The following RBFOX1 variants were observed in gnomAD, a reference collection of about 807,000 sequenced individuals.
RBFOX1 encodes RNA binding fox-1 homolog 1, also known as RNA binding protein fox-1 homolog 1.
Under a neutral mutation model 57.7 loss-of-function variants are expected in RBFOX1, and 8 were observed. The observed-to-expected ratio is 0.14, with a 90% CI of 0.08 to 0.25. RBFOX1 has a LOEUF of 0.25. Ranked by LOEUF, RBFOX1 falls within the 10% of genes least tolerant of loss-of-function variation. The pLI, the probability that RBFOX1 is intolerant of heterozygous loss-of-function variation, is 1.00. For missense variants in RBFOX1, 611 were observed against 548.5 expected (o/e 1.11, Z -1.14); for synonymous variants, 326 against 222.4 (o/e 1.47, Z -4.15).
chr16:6,381,126 G>A (rs1484832104), intron 2 of RBFOX1, among the ~76,000 whole-genome samples: 1 of 152,134 alleles, frequency 6.6e-6, no homozygotes, highest in African/African-American at 2.4e-5. Context: ...AAAAGAATTT[G>A]TCTGAGAGCT....
In RBFOX1 at chr16:7,240,245, G is replaced by A. The variant is rs578121009; in HGVS notation, c.27+188147G>A. 1.3e-5 allele frequency among the ~76,000 whole-genome samples: 2 copies of A among 152,222 alleles called. 1 individual carries two copies. The highest frequency in any genetic ancestry group is 4.1e-4 in the South Asian group (2 of 4,822). On this transcript the variant is annotated intron_variant, in intron 4 of 15. Coordinates refer to ENST00000550418, the MANE Select transcript of RBFOX1 (RefSeq NM_018723.4). ...GCCTCCCAAACTGCTGGGATTACAG[G>A]TATGAGCCGATGCATCCTGCCGAAT...
intron 4 of RBFOX1, among the ~76,000 whole-genome samples, chr16:7,385,929 T>TATTA (rs2097869210): frequency 8.2e-6 from 1 of 122,308 alleles, no homozygotes; most frequent in South Asian, 2.7e-4. Flanking sequence ...CTTATTTATT[T>TATTA]ATTTATTTAT....
At chr16:7,502,868 C>T (rs2071436136) in intron 4 of RBFOX1, among the ~76,000 whole-genome samples, 2 of 151,978 alleles carry the variant, frequency 1.3e-5, no homozygotes, top group Admixed American at 1.3e-4. Flanking sequence ...ACTAAAAATA[C>T]AAAAATTAGC....
At chr16:7,206,021 C>T (rs896713161) in intron 4 of RBFOX1, among the ~76,000 whole-genome samples, 4 of 152,156 alleles carry the variant, frequency 2.6e-5, no homozygotes, top group African/African-American at 4.8e-5. Context: ...GTGTGGCTTG[C>T]CCACCCAGAG....
chr16:7,536,259 G>A (rs1179190289), intron 5 of RBFOX1, among the ~76,000 whole-genome samples: 4 of 152,298 alleles, frequency 2.6e-5, no homozygotes, highest in African/African-American at 7.2e-5. Context: ...AAATCAAAGC[G>A]GAGATGCATT....
At chr16:7,378,564 G>A (rs1363190593) in intron 4 of RBFOX1, among the ~76,000 whole-genome samples, 10 of 152,194 alleles carry the variant, frequency 6.6e-5, no homozygotes. Context: ...CCAGCCTAGG[G>A]ATGCATTTAA....
chr16:6,894,488 C>T (rs966481202), intron 3 of RBFOX1, among the ~76,000 whole-genome samples: 13 of 152,286 alleles, frequency 8.5e-5, no homozygotes, highest in African/African-American at 2.4e-4. Flanking sequence ...TCCTGGGAAT[C>T]TGTCTCATGT....
At chr16:6,302,631 C>T (rs1209750505) in intron 1 of RBFOX1, among the ~76,000 whole-genome samples, 1 of 151,986 alleles carries the variant, frequency 6.6e-6, no homozygotes, top group Non-Finnish European at 1.5e-5. Context: ...TGTTGATTTT[C>T]CTCTTCTGAG....
chr16:6,725,204 C>A lies in RBFOX1; in HGVS notation c.-16+70554C>A, dbSNP rs934486661. Among the ~76,000 whole-genome samples, 3 of 152,026 alleles carry A rather than the reference C, an allele frequency of 2.0e-5. No individual in the cohort carries two copies. In the East Asian group the frequency reaches 5.8e-4, roughly 29 times the overall value. On this transcript the variant is annotated intron_variant, in intron 3 of 15. Coordinates refer to ENST00000550418, the MANE Select transcript of RBFOX1 (RefSeq NM_018723.4). ...TAACTGGGACTGCAGGCACCCGCCA[C>A]CATGCCCAGCTAATTTTTTTGTATT...
chr16:5,834,501 C>A (rs1461075232), intron 3 of RBFOX1, among the ~76,000 whole-genome samples: 3 of 152,070 alleles, frequency 2.0e-5, no homozygotes, highest in Non-Finnish European at 4.4e-5. Context: ...ATCCACTCAT[C>A]TGTTGATGGG....
At chr16:6,525,904 G>A (rs1265473623) in intron 2 of RBFOX1, among the ~76,000 whole-genome samples, 2 of 151,900 alleles carry the variant, frequency 1.3e-5, no homozygotes, top group East Asian at 1.9e-4. Context: ...TAGCACACAG[G>A]AAATGCCTGT....
intron 3 of RBFOX1, among the ~76,000 whole-genome samples, chr16:5,796,841 C>CCT (rs1171460885): frequency 6.6e-6 from 1 of 152,148 alleles, no homozygotes; most frequent in Non-Finnish European, 1.5e-5. Context: ...TCCAGGTTAA[C>CCT]CTCTATATGG....
intron 3 of RBFOX1, among the ~76,000 whole-genome samples, chr16:7,001,549 C>A (rs527315440): frequency 3.9e-5 from 6 of 152,152 alleles, no homozygotes; most frequent in Admixed American, 3.9e-4. Context: ...CTCCGCCTCC[C>A]GGGTTCAAGT....
At chr16:7,641,865 G>T (rs993440559) in intron 11 of RBFOX1, among the ~76,000 whole-genome samples, 1 of 152,178 alleles carries the variant, frequency 6.6e-6, no homozygotes, top group Non-Finnish European at 1.5e-5. Context: ...AGATTGTTGT[G>T]CAGCGTCCTC....
At chr16:7,053,028 T>C (rs1018323964) in intron 4 of RBFOX1, among the ~76,000 whole-genome samples, 9 of 152,194 alleles carry the variant, frequency 5.9e-5, no homozygotes, top group African/African-American at 2.2e-4. Context: ...AGGTGTCTAA[T>C]AAATAAGCAT....
rs1596682401 is a variant in RBFOX1 at position 5,366,580 on chromosome 16, G to T, written c.220-100636G>T. ...AATGCAAGCAAATATAGAAAAAGGT[G>T]ATTCTTTTCCCAGAGAGGAAGCAAA... On this transcript the variant is annotated intron_variant, in intron 1 of 2. Transcript: ENST00000585867. The T allele has an allele frequency of 7.8e-6, 3 of 385,112 alleles. No homozygotes were observed. In the East Asian group the frequency reaches 2.0e-4, roughly 26 times the overall value. The allele number at this position is 385,112 out of a possible 1,614,324, so 23.9% of individuals were successfully genotyped here.
Position 5,240,203 on chromosome 16 carries a change from G to A in RBFOX1, c.219+98G>A, listed in dbSNP as rs796066717. ...CGGGAGGCTCCGTGGCCGGCCCCGG[G>A]TTGAAGTTGGTAACTGAGTGGCAAC... On this transcript the variant is annotated intron_variant, in intron 1 of 2. Transcript: ENST00000585867. 4.3e-4 allele frequency: 365 copies of A among 844,856 alleles called. 3 individuals carry two copies. In the Admixed American group the frequency reaches 6.0e-3, roughly 14 times the overall value. 52.3% of individuals were successfully genotyped at this position (844,856 alleles called of 1,614,324 possible).
intron 4 of RBFOX1, among the ~76,000 whole-genome samples, chr16:7,391,221 A>G (rs1035619595): frequency 2.0e-5 from 3 of 152,094 alleles, no homozygotes; most frequent in African/African-American, 7.2e-5. Flanking sequence ...TGTTAATCCC[A>G]TGGGGTGGAT....
chr16:6,956,475 A>G (rs2081869811), intron 3 of RBFOX1, among the ~76,000 whole-genome samples: 1 of 152,158 alleles, frequency 6.6e-6, no homozygotes, highest in Non-Finnish European at 1.5e-5. Context: ...CGTCTTCTCA[A>G]AGAGATGGTA....
Sources: gnomAD v4.1 joint callset for allele counts (sites outside exome capture counted in the v4.1 genomes callset) on GRCh38, gnomAD v4.1.1 for gene constraint, MANE v1.5 for transcripts, NCBI Gene and HGNC (gene_info 2026-07-23, HGNC 2026-07-21) for gene names.